HLCS: variants seen among roughly 807,000 people sequenced by gnomAD.
HLCS encodes biotin--protein ligase.
A neutral mutation model predicts 75.0 loss-of-function variants in HLCS; 53 were observed. The observed-to-expected ratio is 0.71, with a 90% CI of 0.57 to 0.89. The LOEUF (loss-of-function observed/expected upper bound fraction) is 0.89, where lower values mean the gene tolerates loss of function less well. HLCS is among the 40% of genes least tolerant of loss of function. The pLI is 0.00. For missense variants in HLCS, 966 were observed against 1,074.0 expected (o/e 0.90, Z 1.41); for synonymous variants, 431 against 428.6 (o/e 1.01, Z -0.07).
intron 6 of HLCS, among the ~76,000 whole-genome samples, chr21:36,851,105 G>C (rs1317568673): frequency 6.6e-6 from 1 of 152,194 alleles, no homozygotes; most frequent in Non-Finnish European, 1.5e-5. Context: ...GGTTATGAGA[G>C]AGAAAGATAT....
rs142219981 is a variant in HLCS at position 36,889,423 on chromosome 21, T to C, written c.1892+7437A>G. ...CGCTATTGGCCAAATAAAAGATGAT[T>C]CCAAAAATAGCACAATGACTCAGTT... On this transcript the variant is annotated intron_variant, in intron 6 of 10. Transcript: ENST00000674895. Among the ~76,000 whole-genome samples, 343 of 152,212 alleles carry C rather than the reference T, an allele frequency of 2.3e-3. 2 individuals carry two copies. Among genetic ancestry groups the C allele is most frequent in the African/African-American group, 7.7e-3 (319 of 41,534 alleles).
At chr21:36,796,756 T>A (rs1372626573) in intron 6 of HLCS, among the ~76,000 whole-genome samples, 1 of 152,266 alleles carries the variant, frequency 6.6e-6, no homozygotes, top group Non-Finnish European at 1.5e-5. Flanking sequence ...TGTTTATGAA[T>A]AATAACTTCC....
intron 2 of HLCS, among the ~76,000 whole-genome samples, chr21:36,939,327 A>T (rs1368895920): frequency 6.6e-6 from 1 of 152,206 alleles, no homozygotes; most frequent in Middle Eastern, 3.2e-3. Flanking sequence ...AACAGAGAAG[A>T]GGAGAGAACA....
intron 6 of HLCS, among the ~76,000 whole-genome samples, chr21:36,888,057 G>A (rs539492110): frequency 4.6e-5 from 7 of 152,186 alleles, no homozygotes. Flanking sequence ...CTTTATGACA[G>A]GTCTAATCGC....
intron 2 of HLCS, among the ~76,000 whole-genome samples, chr21:36,949,283 G>A (rs1234902665): frequency 6.6e-6 from 1 of 152,262 alleles, no homozygotes; most frequent in African/African-American, 2.4e-5. Context: ...ATCAGGTAGA[G>A]TGACTAAACC....
At chr21:36,775,954 G>A (rs1391927892) in intron 6 of HLCS, among the ~76,000 whole-genome samples, 2 of 152,182 alleles carry the variant, frequency 1.3e-5, no homozygotes, top group African/African-American at 4.8e-5. Context: ...TTTTAGGTTC[G>A]TGATCTCATC....
At chr21:36,972,879 C>T (rs9976746) in intron 1 of HLCS, among the ~76,000 whole-genome samples, 132,517 of 152,162 alleles carry the variant, frequency 0.87, 58,052 homozygotes, top group African/African-American at 0.96. Flanking sequence ...ATAAGAATTA[C>T]ATAATCAGGC....
At chr21:36,951,899 TAATGAA>T (rs1209530944) in intron 2 of HLCS, among the ~76,000 whole-genome samples, 1 of 152,248 alleles carries the variant, frequency 6.6e-6, no homozygotes, top group Non-Finnish European at 1.5e-5. Context: ...CAATAAATGT[TAATGAA>T]TGAATAAGCG....
At chr21:36,786,826 C>T (rs1601243113) in intron 6 of HLCS, among the ~76,000 whole-genome samples, 1 of 152,112 alleles carries the variant, frequency 6.6e-6, no homozygotes, top group Non-Finnish European at 1.5e-5. Context: ...GCATTCTCAC[C>T]GAATGTGTAA....
intron 2 of HLCS, among the ~76,000 whole-genome samples, chr21:36,951,745 AG>A (rs1249815896): frequency 1.3e-5 from 2 of 152,250 alleles, no homozygotes; most frequent in Non-Finnish European, 2.9e-5. Flanking sequence ...GTGGAAAAAA[AG>A]AATTGTATTA....
chr21:36,803,062 G>A (rs906524372), intron 6 of HLCS, among the ~76,000 whole-genome samples: 3 of 152,216 alleles, frequency 2.0e-5, no homozygotes, highest in African/African-American at 7.2e-5. Context: ...AACTAGACAT[G>A]AAACCCATGT....
At chr21:36,929,798 C>T (rs1222179261) in intron 5 of HLCS, among the ~76,000 whole-genome samples, 1 of 152,244 alleles carries the variant, frequency 6.6e-6, no homozygotes, top group Non-Finnish European at 1.5e-5. Context: ...CGAACACATT[C>T]CCAGCTCCGT....
At chr21:36,955,943 C>A (rs930509224) in intron 2 of HLCS, among the ~76,000 whole-genome samples, 1 of 152,296 alleles carries the variant, frequency 6.6e-6, no homozygotes, top group South Asian at 2.1e-4. Context: ...AATGCAGTAA[C>A]ATGCTGTACA....
chr21:36,853,179 A>C (rs2063071635), intron 6 of HLCS, among the ~76,000 whole-genome samples: 1 of 152,212 alleles, frequency 6.6e-6, no homozygotes, highest in South Asian at 2.1e-4. Flanking sequence ...AATGGTCTTA[A>C]GGGCAAAAAA....
intron 5 of HLCS, among the ~76,000 whole-genome samples, chr21:36,928,138 C>A (rs1407885881): frequency 6.6e-6 from 1 of 152,190 alleles, no homozygotes; most frequent in African/African-American, 2.4e-5. Flanking sequence ...GGAAAGACCA[C>A]CTCAGGCAGT....
intron 5 of HLCS, among the ~76,000 whole-genome samples, chr21:36,917,464 T>C (rs959188831): frequency 2.6e-5 from 4 of 152,106 alleles, no homozygotes; most frequent in African/African-American, 9.7e-5. Context: ...CCCCAGTGCG[T>C]TTCATGAAGC....
intron 6 of HLCS, among the ~76,000 whole-genome samples, chr21:36,882,586 G>A (rs1431617174): frequency 6.6e-6 from 1 of 150,414 alleles, no homozygotes; most frequent in African/African-American, 2.4e-5. Flanking sequence ...GACTATAGGT[G>A]CGTGTCACCA....
rs182543335 is a variant in HLCS at position 36,947,705 on chromosome 21, T to C, written c.331-8711A>G. On this transcript the variant is annotated intron_variant, in intron 2 of 10. Coordinates refer to ENST00000674895, the MANE Select transcript of HLCS (RefSeq NM_001352514.2). ...ATGGCAGCAGGCAAGGCATATCTTC[T>C]CTGCTCAACTTAAAACTCACATCCA... 3,033 of 985,432 alleles carry C rather than the reference T, an allele frequency of 3.1e-3. 5 individuals carry two copies. Among genetic ancestry groups the C allele is most frequent in the Non-Finnish European group, 3.4e-3 (2,827 of 829,956 alleles). 61.0% of individuals were successfully genotyped at this position (985,432 alleles called of 1,614,324 possible). A position where few individuals can be genotyped will look rare whatever the true frequency, so the allele number is the denominator to read the frequency against.
chr21:36,782,165 T>C (rs943788439), intron 6 of HLCS, among the ~76,000 whole-genome samples: 2 of 152,220 alleles, frequency 1.3e-5, no homozygotes, highest in Admixed American at 1.3e-4. Context: ...CAATATTATT[T>C]ACTTCATTGA....
Sources: gnomAD v4.1 joint callset for allele counts (sites outside exome capture counted in the v4.1 genomes callset) on GRCh38, gnomAD v4.1.1 for gene constraint, MANE v1.5 for transcripts, NCBI Gene and HGNC (gene_info 2026-07-23, HGNC 2026-07-21) for gene names.